VLDLR: variants seen among roughly 807,000 people sequenced by gnomAD.
VLDLR encodes the protein very low-density lipoprotein receptor.
In VLDLR, 81 loss-of-function variants were observed where a neutral mutation model predicts 112.7. The observed-to-expected ratio is 0.72, with a 90% CI of 0.60 to 0.86. The LOEUF (loss-of-function observed/expected upper bound fraction) is 0.86, where lower values mean the gene tolerates loss of function less well. Ranked by LOEUF, VLDLR falls within the 40% of genes least tolerant of loss-of-function variation. VLDLR has a pLI of 0.00. For synonymous variants in VLDLR, 436 were observed against 384.8 expected (o/e 1.13, Z -1.56); for missense variants, 1,237 against 1,099.4 (o/e 1.13, Z -1.77).
intron 1 of VLDLR, among the ~76,000 whole-genome samples, chr9:2,626,045 T>C (rs1817073716): frequency 6.6e-6 from 1 of 152,232 alleles, no homozygotes; most frequent in Non-Finnish European, 1.5e-5. Flanking sequence ...ACACTGTTAA[T>C]ACCACTTAGT....
Position 2,644,760 on chromosome 9 carries a change from G to C in VLDLR, c.1093G>C (p.Gly365Arg). 6.2e-7 allele frequency: 1 copy of C among 1,614,124 alleles called. No individual in the cohort carries two copies. The highest frequency in any genetic ancestry group is 8.5e-7 in the Non-Finnish European group (1 of 1,180,034). ...TATAAACGAATGCTTGGTAAATAATGGTGGATGTTCTCATATCTGCAAAGA... is the reference window on the plus strand; with the variant it reads ...TATAAACGAATGCTTGGTAAATAATCGTGGATGTTCTCATATCTGCAAAGA... ...CHINECLVNN[G>R]GCSHICKDLV... The change falls in exon 8 of 19, where the codon GGT becomes CGT. Residue 365 changes from glycine (G) to arginine (R), a missense_variant. Physicochemically the swap from Gly to Arg is moderately radical, Grantham distance 125. Coordinates refer to ENST00000382100, the MANE Select transcript of VLDLR (RefSeq NM_003383.5).
chr9:2,622,852 A>C (rs1288879775), intron 1 of VLDLR, among the ~76,000 whole-genome samples: 1 of 151,990 alleles, frequency 6.6e-6, no homozygotes, highest in Non-Finnish European at 1.5e-5. Flanking sequence ...GGGCACCCGG[A>C]CTGCGACTCC....
chr9:2,641,285 G>A (rs1403800539), intron 3 of VLDLR, 92 bp from the exon 4 acceptor site: 1 of 1,595,264 alleles, frequency 6.3e-7, no homozygotes, highest in Non-Finnish European at 8.6e-7. Context: ...AGGCTACTGA[G>A]TCACAGGTAT....
Position 2,621,828 on chromosome 9 carries a change from C to T in VLDLR, c.-362C>T, listed in dbSNP as rs895547072. ...GCCGCCGGTGCGGGTGCTCCGCTAC[C>T]GGCTCCTCTCCGTTCTGTGCTCTCT... On this transcript the variant is annotated 5_prime_UTR_variant, in exon 1 of 19. Transcript: ENST00000382100. The T allele has an allele frequency of 5.8e-6, 3 of 515,446 alleles. No homozygotes were observed. Among genetic ancestry groups the T allele is most frequent in the Non-Finnish European group, 1.1e-5 (3 of 270,538 alleles). 31.9% of individuals were successfully genotyped at this position (515,446 alleles called of 1,614,324 possible).
chr9:2,652,832 A>G lies in VLDLR; in HGVS notation c.2469A>G (p.Gln823=), dbSNP rs768630693. The G allele has an allele frequency of 3.1e-6, 5 of 1,614,158 alleles. No individual in the cohort carries two copies. Among genetic ancestry groups the G allele is most frequent in the South Asian group, 1.1e-5 (1 of 91,078 alleles). ...VGGYLMWRNW[Q]HKNMKSMNFD... Reference sequence around the variant, plus strand: ...GCTACTTGATGTGGCGGAATTGGCAACACAAGAACATGAAAAGCATGAACT... The same window carrying G: ...GCTACTTGATGTGGCGGAATTGGCAGCACAAGAACATGAAAAGCATGAACT... The change falls in exon 18 of 19, where the codon CAA becomes CAG. Residue 823 remains glutamine (Q), a synonymous_variant. Coordinates refer to ENST00000382100, the MANE Select transcript of VLDLR (RefSeq NM_003383.5).
At chr9:2,644,631 G>T (rs1266470371) in intron 7 of VLDLR, 103 bp from the exon 8 acceptor site, 2 of 1,520,082 alleles carry the variant, frequency 1.3e-6, no homozygotes, top group East Asian at 2.3e-5. Context: ...TCGTGGGTTT[G>T]ACCAGGCCAA....
intron 1 of VLDLR, among the ~76,000 whole-genome samples, chr9:2,625,988 G>A (rs2130759016): frequency 6.6e-6 from 1 of 152,308 alleles, no homozygotes; most frequent in Admixed American, 6.5e-5. Flanking sequence ...AACTAAATCA[G>A]TGTCTCTTTG....
At chr9:2,637,836 G>A (rs528211933) in intron 2 of VLDLR, among the ~76,000 whole-genome samples, 166 of 152,248 alleles carry the variant, frequency 1.1e-3, no homozygotes, top group African/African-American at 3.7e-3. Flanking sequence ...CCAGCTACTC[G>A]GGAGGCTGAG....
chr9:2,624,103 A>C (rs1261009215), intron 1 of VLDLR, among the ~76,000 whole-genome samples: 1 of 152,178 alleles, frequency 6.6e-6, no homozygotes, highest in East Asian at 1.9e-4. Flanking sequence ...AATGCACCTA[A>C]ACTACTGACA....
In VLDLR at chr9:2,652,768, G is replaced by C. The variant is rs1445949169; in HGVS notation, c.2417-12G>C. 1 of 1,613,884 alleles carries C rather than the reference G, an allele frequency of 6.2e-7. No homozygotes were observed. The highest frequency in any genetic ancestry group is 1.3e-5 in the African/African-American group (1 of 74,896). ...GACTTAGCTCACTTAGCTACCCTCT[G>C]ATTTTTTTCAGTGCTCTTAGTGATG... On this transcript the variant is annotated splice_polypyrimidine_tract_variant and intron_variant, in intron 17 of 18. Coordinates refer to ENST00000382100, the MANE Select transcript of VLDLR (RefSeq NM_003383.5).
Position 2,644,960 on chromosome 9 carries a change from T to C in VLDLR, c.1190T>C (p.Ile397Thr), listed in dbSNP as rs1167879180. 17 of 1,614,192 alleles carry C rather than the reference T, an allele frequency of 1.1e-5. No individual in the cohort carries two copies. The highest frequency in any genetic ancestry group is 1.3e-5 in the Non-Finnish European group (15 of 1,180,038). Reference protein sequence around the residue: ...ELIDRKTCGDIDECQNPGICS... With the variant: ...ELIDRKTCGDTDECQNPGICS... ...CTAATTCTGATTTCCCTCCCAGATA[T>C]TGATGAATGCCAAAATCCAGGAATC... Residue 397 changes from isoleucine to threonine, a missense_variant, in exon 9 of 19, where the codon ATT (isoleucine) becomes ACT (threonine). Ile to Thr is a moderately conservative substitution (Grantham distance 89). Coordinates refer to ENST00000382100, the MANE Select transcript of VLDLR (RefSeq NM_003383.5).
intron 15 of VLDLR, 76 bp from the exon 16 acceptor site, chr9:2,651,339 C>A: frequency 7.7e-7 from 1 of 1,291,508 alleles, no homozygotes; most frequent in Non-Finnish European, 1.1e-6. Context: ...TAACCTTTTA[C>A]ATGGCTTGTC....
intron 1 of VLDLR, among the ~76,000 whole-genome samples, chr9:2,634,485 G>A (rs542504056): frequency 8.8e-4 from 134 of 152,252 alleles, no homozygotes; most frequent in African/African-American, 2.9e-3. Context: ...AATCACATCC[G>A]CCAGAAGGAC....
chr9:2,630,462 C>T (rs1817299151), intron 1 of VLDLR, among the ~76,000 whole-genome samples: 1 of 152,132 alleles, frequency 6.6e-6, no homozygotes, highest in Non-Finnish European at 1.5e-5. Flanking sequence ...CTGGTGGCCC[C>T]AGCAGTGTGG....
intron 14 of VLDLR, among the ~76,000 whole-genome samples, chr9:2,649,478 G>A (rs973619368): frequency 2.8e-4 from 42 of 152,070 alleles, no homozygotes; most frequent in Non-Finnish European, 4.0e-4. Context: ...TGCAACCTCC[G>A]CCTCCTGTGT....
intron 4 of VLDLR, 118 bp from the exon 5 acceptor site, chr9:2,643,034 TAGCCTTTA>T (rs1817892124): frequency 1.4e-6 from 2 of 1,420,948 alleles, no homozygotes; most frequent in East Asian, 4.6e-5. Flanking sequence ...AACTCCATTG[TAGCCTTTA>T]AGTTGGGCTA....
Position 2,641,397 on chromosome 9 carries a change from C to G in VLDLR, c.346C>G (p.His116Asp). The change falls in exon 4 of 19, where the codon CAT becomes GAT. Residue 116 changes from histidine to aspartate, a missense_variant. Coordinates refer to ENST00000382100, the MANE Select transcript of VLDLR (RefSeq NM_003383.5). ...AACAGATATGAGAACATGCCGCATACATGAAATCAGCTGTGGCGCCCATTC... is the reference window on the plus strand; with the variant it reads ...AACAGATATGAGAACATGCCGCATAGATGAAATCAGCTGTGGCGCCCATTC... The part of the protein sequence containing the change: ...EQCHMRTCRI[H>D]EISCGAHSTQ... The G allele has an allele frequency of 6.2e-7, 1 of 1,614,222 alleles. No homozygotes were observed. Among genetic ancestry groups the G allele is most frequent in the Non-Finnish European group, 8.5e-7 (1 of 1,180,044 alleles).
rs776246289 is a variant in VLDLR at position 2,651,495 on chromosome 9, G to A, written c.2332G>A (p.Gly778Arg). 6.2e-7 allele frequency: 1 copy of A among 1,613,440 alleles called. No individual in the cohort carries two copies. The highest frequency in any genetic ancestry group is 8.5e-7 in the Non-Finnish European group (1 of 1,179,596). The change falls in exon 16 of 19, where the codon GGA (glycine) becomes AGA (arginine). Residue 778 changes from glycine to arginine, a missense_variant. Coordinates refer to ENST00000382100, the MANE Select transcript of VLDLR (RefSeq NM_003383.5). Reference sequence around the variant, plus strand: ...TTCAGCAACTAGTGGACTAGTTCCTGGAGGTATTGAGTTCAGTACTGCAAA... The same window carrying A: ...TTCAGCAACTAGTGGACTAGTTCCTAGAGGTATTGAGTTCAGTACTGCAAA... ...EISATSGLVP[G>R]GINVTTAVSE...
intron 13 of VLDLR, 129 bp downstream of exon 13, chr9:2,648,476 C>G (rs750199491): frequency 6.5e-7 from 1 of 1,532,002 alleles, no homozygotes; most frequent in Non-Finnish European, 9.0e-7. Context: ...CACTTAAAAC[C>G]TGGTACAAAT....
Sources: allele counts gnomAD v4.1 joint callset (sites outside exome capture counted in the v4.1 genomes callset), GRCh38; gene constraint gnomAD v4.1.1; transcripts MANE v1.5; gene names NCBI Gene and HGNC (gene_info 2026-07-23, HGNC 2026-07-21).